MNAT1: variants seen among roughly 807,000 people sequenced by gnomAD.
MNAT1 encodes the protein MNAT1 component of CDK activating kinase, also known as CDK-activating kinase assembly factor MAT1.
A neutral mutation model predicts 42.0 loss-of-function variants in MNAT1; 43 were observed. The observed-to-expected ratio is 1.02, with a 90% CI of 0.80 to 1.32. MNAT1 has a LOEUF of 1.32. Ranked by LOEUF, MNAT1 falls within the 40% of genes most tolerant of loss-of-function variation. The pLI is 0.00. For synonymous variants in MNAT1, 118 were observed against 120.0 expected, an observed-to-expected ratio of 0.98 and a Z score of 0.11; for missense variants, 306 against 350.4, an observed-to-expected ratio of 0.87 and a Z score of 1.01.
intron 6 of MNAT1, among the ~76,000 whole-genome samples, chr14:60,845,663 T>G (rs1315435267): frequency 6.6e-6 from 1 of 152,114 alleles, no homozygotes; most frequent in Non-Finnish European, 1.5e-5. Context: ...GAAGATGCCT[T>G]GTGATAGTTG....
intron 1 of MNAT1, among the ~76,000 whole-genome samples, chr14:60,754,858 A>G (rs2030268612): frequency 6.6e-6 from 1 of 152,202 alleles, no homozygotes; most frequent in African/African-American, 2.4e-5. Flanking sequence ...GTCATTGACT[A>G]AGGTCTGGAT....
rs150011320 is a variant in MNAT1 at position 60,956,726 on chromosome 14, A to G, written c.810-11503A>G. Among the ~76,000 whole-genome samples, 207 of 152,246 alleles carry G rather than the reference A, an allele frequency of 1.4e-3. 1 individual carries two copies. The highest frequency in any genetic ancestry group is 4.8e-3 in the African/African-American group (200 of 41,550). On this transcript the variant is annotated intron_variant, in intron 7 of 7. Transcript: ENST00000261245. ...TACATTTGTTATATCCTCTTGATTA[A>G]TTGATCCTTTTATCATTATCTAGTG... is the stretch of plus-strand genomic sequence containing the variant.
intron 5 of MNAT1, among the ~76,000 whole-genome samples, chr14:60,816,784 T>G (rs993699495): frequency 1.2e-4 from 18 of 152,190 alleles, no homozygotes; most frequent in African/African-American, 4.1e-4. Flanking sequence ...TAACACTTAG[T>G]AAGGCTTCCA....
At chr14:60,962,429 G>GGT (rs1305939648) in intron 7 of MNAT1, among the ~76,000 whole-genome samples, 1 of 152,082 alleles carries the variant, frequency 6.6e-6, no homozygotes, top group Non-Finnish European at 1.5e-5. Context: ...TATCCTTAGA[G>GGT]GTCTATCCTT....
chr14:60,866,070 A>T (rs2139441226), intron 6 of MNAT1, among the ~76,000 whole-genome samples: 1 of 152,262 alleles, frequency 6.6e-6, no homozygotes, highest in South Asian at 2.1e-4. Context: ...AATTTGCTTG[A>T]ATTCAACTAA....
intron 1 of MNAT1, among the ~76,000 whole-genome samples, chr14:60,736,294 G>GTT (rs1195218975): frequency 7.1e-6 from 1 of 141,668 alleles, no homozygotes; most frequent in Non-Finnish European, 1.5e-5. Context: ...AAGAGAGTTT[G>GTT]TTTTTTTTTT....
chr14:60,918,503 C>T (rs554960955), intron 7 of MNAT1, among the ~76,000 whole-genome samples: 5 of 151,428 alleles, frequency 3.3e-5, no homozygotes, highest in African/African-American at 9.7e-5. Context: ...CCACAGTGCC[C>T]GGCCAATTGT....
At chr14:60,898,318 C>G (rs1186315088) in intron 7 of MNAT1, among the ~76,000 whole-genome samples, 2 of 151,932 alleles carry the variant, frequency 1.3e-5, no homozygotes, top group Non-Finnish European at 2.9e-5. Context: ...TCATATAGTT[C>G]TATTTTAATT....
chr14:60,824,472 G>A (rs1310516639), intron 6 of MNAT1, among the ~76,000 whole-genome samples: 1 of 152,106 alleles, frequency 6.6e-6, no homozygotes, highest in African/African-American at 2.4e-5. Flanking sequence ...TCAAATGTTG[G>A]AAGTATTAAC....
chr14:60,949,672 A>G (rs1275580952), intron 7 of MNAT1, among the ~76,000 whole-genome samples: 2 of 152,200 alleles, frequency 1.3e-5, no homozygotes, highest in Non-Finnish European at 2.9e-5. Flanking sequence ...TTTTGGTCCA[A>G]ATGATATTTA....
chr14:60,951,106 A>G (rs1360096697), intron 7 of MNAT1, among the ~76,000 whole-genome samples: 2 of 152,158 alleles, frequency 1.3e-5, no homozygotes, highest in East Asian at 1.9e-4. Flanking sequence ...AAATATTTCA[A>G]ACATAGAGAA....
At chr14:60,763,066 C>T (rs2140301220) in intron 1 of MNAT1, among the ~76,000 whole-genome samples, 1 of 152,162 alleles carries the variant, frequency 6.6e-6, no homozygotes, top group Non-Finnish European at 1.5e-5. Flanking sequence ...GCTGTTTCAG[C>T]ATTGAAACAC....
chr14:60,926,260 C>T lies in MNAT1; in HGVS notation c.810-41969C>T, dbSNP rs116709441. 3.1e-3 allele frequency among the ~76,000 whole-genome samples: 477 copies of T among 152,322 alleles called. 5 individuals carry two copies. The highest frequency in any genetic ancestry group is 0.011 in the African/African-American group (458 of 41,572). ...GACAGGTGTTGTGGGGTTTTCCCCC[C>T]ACACACCAACCAAAGCAGTTCTCCA... is the stretch of plus-strand genomic sequence containing the variant. On this transcript the variant is annotated intron_variant, in intron 7 of 7. Coordinates refer to ENST00000261245, the MANE Select transcript of MNAT1 (RefSeq NM_002431.4).
intron 6 of MNAT1, among the ~76,000 whole-genome samples, chr14:60,829,603 AG>A: frequency 6.6e-6 from 1 of 152,320 alleles, no homozygotes; most frequent in Non-Finnish European, 1.5e-5. Flanking sequence ...ACATGAGCAT[AG>A]GCAGAAATAA....
At chr14:60,775,791 T>A (rs1034756287) in intron 1 of MNAT1, among the ~76,000 whole-genome samples, 6 of 152,160 alleles carry the variant, frequency 3.9e-5, no homozygotes, top group Non-Finnish European at 8.8e-5. Context: ...TGAGGCTAGG[T>A]CACTAGCTAT....
chr14:60,760,228 G>C (rs1261427057), intron 1 of MNAT1, among the ~76,000 whole-genome samples: 2 of 151,876 alleles, frequency 1.3e-5, no homozygotes, highest in East Asian at 3.8e-4. Flanking sequence ...TTGAGTATCA[G>C]CATATGCTTT....
At chr14:60,776,570 T>TTG (rs1566761207) in intron 1 of MNAT1, among the ~76,000 whole-genome samples, 1 of 151,138 alleles carries the variant, frequency 6.6e-6, no homozygotes, top group African/African-American at 2.4e-5. Flanking sequence ...AAAACTGTCC[T>TTG]GGGGGGGGAG....
chr14:60,872,630 CT>C (rs768874801), intron 6 of MNAT1, among the ~76,000 whole-genome samples: 19 of 151,760 alleles, frequency 1.3e-4, no homozygotes, highest in Non-Finnish European at 2.2e-4. Flanking sequence ...GCTCTTCTTT[CT>C]TTGGTGCTAT....
intron 6 of MNAT1, among the ~76,000 whole-genome samples, chr14:60,827,536 T>C (rs2033088476): frequency 6.6e-6 from 1 of 152,210 alleles, no homozygotes; most frequent in Non-Finnish European, 1.5e-5. Context: ...CAGTCAGTTA[T>C]GTCCTGTAAA....
Sources: gnomAD v4.1 joint callset for allele counts (sites outside exome capture counted in the v4.1 genomes callset) on GRCh38, gnomAD v4.1.1 for gene constraint, MANE v1.5 for transcripts, NCBI Gene and HGNC (gene_info 2026-07-23, HGNC 2026-07-21) for gene names.